SH2D4A: variants seen among roughly 807,000 people sequenced by gnomAD.
SH2D4A encodes the protein SH2 domain containing 4A, also known as SH2 domain-containing protein 4A.
In SH2D4A, 70 loss-of-function variants were observed where a neutral mutation model predicts 64.7. The ratio of observed to expected loss-of-function variants is 1.08; its 90% CI spans 0.89 to 1.32. The LOEUF is 1.32. Among genes scored for constraint, SH2D4A ranks in the 40% most tolerant of loss-of-function variants. The pLI is 0.00. For missense variants in SH2D4A, 706 were observed against 540.1 expected (o/e 1.31, Z -3.04); for synonymous variants, 268 against 200.7 (o/e 1.34, Z -2.83).
At chr8:19,340,529 G>A (rs2052512623) in intron 4 of SH2D4A, among the ~76,000 whole-genome samples, 1 of 151,822 alleles carries the variant, frequency 6.6e-6, no homozygotes, top group African/African-American at 2.4e-5. Flanking sequence ...AGATGTGTCA[G>A]GATTTCCCAG....
Position 19,314,662 on chromosome 8 carries a change from C to CT in SH2D4A, c.-205+842dup, listed in dbSNP as rs529426855. Among the ~76,000 whole-genome samples the CT allele has an allele frequency of 3.8e-3, 580 of 152,224 alleles. 2 individuals are homozygous for CT. Among genetic ancestry groups the CT allele is most frequent in the African/African-American group, 0.013 (547 of 41,544 alleles). ...CAGATGCTCCTCATCGCTCCAAAGG[C>CT]TTTCGTTTGATTGCTGGTTTAATAG... On this transcript the variant is annotated intron_variant, in intron 1 of 9. Coordinates refer to ENST00000265807, the MANE Select transcript of SH2D4A (RefSeq NM_022071.4).
intron 8 of SH2D4A, among the ~76,000 whole-genome samples, chr8:19,377,816 CA>C (rs1284179082): frequency 6.6e-6 from 1 of 152,072 alleles, no homozygotes; most frequent in Non-Finnish European, 1.5e-5. Context: ...ATCATTTCTT[CA>C]GAGTATATAT....
chr8:19,314,095 C>T (rs1461659660), intron 1 of SH2D4A: 18 of 451,876 alleles, frequency 4.0e-5, no homozygotes, highest in Admixed American at 6.6e-5. Context: ...CGGCGGTCCC[C>T]GGGGCCTGGG....
intron 6 of SH2D4A, among the ~76,000 whole-genome samples, chr8:19,363,397 C>G (rs2153648579): frequency 6.6e-6 from 1 of 152,216 alleles, no homozygotes; most frequent in East Asian, 1.9e-4. Flanking sequence ...GGTATTTAGA[C>G]ACACAAATAC....
chr8:19,332,847 A>C, intron 2 of SH2D4A, 108 bp from the exon 3 acceptor site: 1 of 979,552 alleles, frequency 1.0e-6, no homozygotes, highest in Non-Finnish European at 1.5e-6. Context: ...CATCTGATAT[A>C]TATATATATA....
intron 8 of SH2D4A, among the ~76,000 whole-genome samples, chr8:19,382,703 G>C (rs1419056837): frequency 6.6e-6 from 1 of 151,782 alleles, no homozygotes; most frequent in Non-Finnish European, 1.5e-5. Context: ...CATCTTTATT[G>C]GCCCACTGCT....
At chr8:19,387,594 T>A (rs2053412089) in intron 8 of SH2D4A, among the ~76,000 whole-genome samples, 1 of 152,224 alleles carries the variant, frequency 6.6e-6, no homozygotes, top group Non-Finnish European at 1.5e-5. Flanking sequence ...CTGGACAGTT[T>A]CTTCTGACAC....
chr8:19,325,985 T>C (rs986382856), intron 2 of SH2D4A, among the ~76,000 whole-genome samples: 1 of 152,200 alleles, frequency 6.6e-6, no homozygotes, highest in Non-Finnish European at 1.5e-5. Context: ...TTCACATCCC[T>C]GCTTGCCCAG....
Position 19,357,270 on chromosome 8 carries a change from A to G in SH2D4A, c.581A>G (p.Tyr194Cys). 6.2e-7 allele frequency: 1 copy of G among 1,613,426 alleles called. No individual in the cohort carries two copies. The highest frequency in any genetic ancestry group is 8.5e-7 in the Non-Finnish European group (1 of 1,179,326). Residue 194 changes from tyrosine to cysteine, a missense_variant, in exon 5 of 10, where the codon TAT becomes TGT. Tyr to Cys is a radical substitution (Grantham distance 194). Coordinates refer to ENST00000265807, the MANE Select transcript of SH2D4A (RefSeq NM_022071.4). ...LADSINRMKA[Y>C]AFHQKKESMK... ...GATTCAATCAATCGTATGAAGGCATATGCATTTCACCAGGTAAAAGACTTC... is the reference window on the plus strand; with the variant it reads ...GATTCAATCAATCGTATGAAGGCATGTGCATTTCACCAGGTAAAAGACTTC...
Position 19,378,701 on chromosome 8 carries a change from G to C in SH2D4A, c.1048+5041G>C, listed in dbSNP as rs1368868086. Among the ~76,000 whole-genome samples, 3 of 152,002 alleles carry C rather than the reference G, an allele frequency of 2.0e-5. No individual in the cohort carries two copies. The East Asian group carries it at 5.8e-4, about 29-fold the overall frequency. ...TCCACCCTACTCAGCCTGCCAAATGGCTGGGACAACCGTTTTTAAGTGTAC... is the reference window on the plus strand; with the variant it reads ...TCCACCCTACTCAGCCTGCCAAATGCCTGGGACAACCGTTTTTAAGTGTAC... On this transcript the variant is annotated intron_variant, in intron 8 of 9. Transcript: ENST00000265807.
chr8:19,388,872 G>T (rs1223289863), intron 8 of SH2D4A, among the ~76,000 whole-genome samples: 2 of 152,200 alleles, frequency 1.3e-5, no homozygotes, highest in East Asian at 1.9e-4. Context: ...GGAGTAGTTG[G>T]CCTCTAGGAG....
At chr8:19,351,381 A>G (rs368466527) in intron 4 of SH2D4A, among the ~76,000 whole-genome samples, 40 of 152,236 alleles carry the variant, frequency 2.6e-4, no homozygotes, top group African/African-American at 9.6e-4. Flanking sequence ...AGGCGGGTGG[A>G]TCACAAGGTC....
chr8:19,355,930 G>A (rs1687123064), intron 4 of SH2D4A, among the ~76,000 whole-genome samples: 1 of 152,148 alleles, frequency 6.6e-6, no homozygotes, highest in African/African-American at 2.4e-5. Context: ...AAATGCCATG[G>A]CCAAAAATAC....
chr8:19,393,833 A>G (rs1205512839), intron 9 of SH2D4A, among the ~76,000 whole-genome samples: 1 of 152,356 alleles, frequency 6.6e-6, no homozygotes, highest in South Asian at 2.1e-4. Flanking sequence ...TATGACAGCA[A>G]TCCCCAAACT....
intron 2 of SH2D4A, among the ~76,000 whole-genome samples, chr8:19,325,001 T>C (rs2052255238): frequency 6.6e-6 from 1 of 152,136 alleles, no homozygotes; most frequent in Non-Finnish European, 1.5e-5. Context: ...GTTGGTTGCC[T>C]GGTGAGCACC....
At chr8:19,392,563 A>G (rs948050874) in intron 8 of SH2D4A, among the ~76,000 whole-genome samples, 1 of 151,992 alleles carries the variant, frequency 6.6e-6, no homozygotes, top group Non-Finnish European at 1.5e-5. Flanking sequence ...ATCACTCCCC[A>G]GGCCATTGAG....
Position 19,313,809 on chromosome 8 carries a change from G to A in SH2D4A, c.-219G>A, listed in dbSNP as rs1267242474. 6.6e-7 allele frequency: 1 copy of A among 1,508,138 alleles called. No individual in the cohort carries two copies. Among genetic ancestry groups the A allele is most frequent in the East Asian group, 2.7e-5 (1 of 36,740 alleles). The allele number at this position is 1,508,138 out of a possible 1,614,324, so 93.4% of individuals were successfully genotyped here. A position where few individuals can be genotyped will look rare whatever the true frequency, so the allele number is the denominator to read the frequency against. On this transcript the variant is annotated 5_prime_UTR_variant, in exon 1 of 10. Transcript: ENST00000265807. The stretch of plus-strand genomic sequence containing the variant: ...CGGGTGATCGAGCCACCCTGCCCAG[G>A]GGCGCCCAGCACTGGTAGGTGCTGG...
intron 2 of SH2D4A, among the ~76,000 whole-genome samples, chr8:19,327,458 G>T (rs1403300336): frequency 6.6e-6 from 1 of 152,172 alleles, no homozygotes; most frequent in Admixed American, 6.5e-5. Flanking sequence ...ACTTAAGGAA[G>T]TACACTGCTT....
chr8:19,357,790 G>A (rs764228186), intron 5 of SH2D4A, among the ~76,000 whole-genome samples: 11 of 152,102 alleles, frequency 7.2e-5, no homozygotes, highest in East Asian at 1.9e-4. Context: ...TGCTTCCTCC[G>A]TCGTGTGAGC....
Sources: gnomAD v4.1 joint callset for allele counts (sites outside exome capture counted in the v4.1 genomes callset) on GRCh38, gnomAD v4.1.1 for gene constraint, MANE v1.5 for transcripts, NCBI Gene and HGNC (gene_info 2026-07-23, HGNC 2026-07-21) for gene names.